Variants in TAFA1 observed in about 807,000 individuals in gnomAD.
TAFA1 encodes the protein chemokine-like protein TAFA-1.
A neutral mutation model predicts 18.5 loss-of-function variants in TAFA1; 4 were observed. The ratio of observed to expected loss-of-function variants is 0.22; its 90% CI spans 0.11 to 0.49. The LOEUF (loss-of-function observed/expected upper bound fraction) is 0.49, where lower values mean the gene tolerates loss of function less well. Ranked by LOEUF, TAFA1 falls within the 20% of genes least tolerant of loss-of-function variation. The pLI is 0.98. For synonymous variants in TAFA1, 56 were observed against 55.2 expected (o/e 1.01, Z -0.06); for missense variants, 147 against 169.0 (o/e 0.87, Z 0.72).
At chr3:68,031,678 T>C in intron 2 of TAFA1, among the ~76,000 whole-genome samples, 1 of 152,142 alleles carries the variant, frequency 6.6e-6, no homozygotes, top group African/African-American at 2.4e-5. Flanking sequence ...TTAAAAAGGA[T>C]GATTAATACA....
intron 2 of TAFA1, among the ~76,000 whole-genome samples, chr3:68,319,925 G>T (rs775005969): frequency 1.3e-5 from 2 of 152,086 alleles, no homozygotes; most frequent in Non-Finnish European, 2.9e-5. Flanking sequence ...ACACTAGAAT[G>T]CTTGATAGCT....
intron 2 of TAFA1, among the ~76,000 whole-genome samples, chr3:68,063,674 C>T (rs931915867): frequency 2.6e-5 from 4 of 152,138 alleles, no homozygotes; most frequent in Admixed American, 2.6e-4. Flanking sequence ...AAATTACAGT[C>T]ATTATTCAGA....
intron 2 of TAFA1, among the ~76,000 whole-genome samples, chr3:68,131,881 A>T (rs74470223): frequency 2.3e-5 from 3 of 127,684 alleles, no homozygotes; most frequent in Non-Finnish European, 5.1e-5. Flanking sequence ...CCTATTTTTT[A>T]ACCTTTTTTT....
chr3:68,323,954 G>A (rs2068734220), intron 2 of TAFA1, among the ~76,000 whole-genome samples: 1 of 152,142 alleles, frequency 6.6e-6, no homozygotes, highest in Admixed American at 6.5e-5. Context: ...ATGTCTCCAA[G>A]ACTCCAGGAA....
chr3:68,210,841 G>A (rs1183318384), intron 2 of TAFA1, among the ~76,000 whole-genome samples: 1 of 152,000 alleles, frequency 6.6e-6, no homozygotes, highest in Admixed American at 6.6e-5. Flanking sequence ...ACAGTTTCCA[G>A]TACTGGCTTT....
chr3:68,456,675 T>C (rs1004693813), intron 3 of TAFA1, among the ~76,000 whole-genome samples: 1 of 152,182 alleles, frequency 6.6e-6, no homozygotes, highest in African/African-American at 2.4e-5. Context: ...TATAGCAATC[T>C]TGCACCCATA....
intron 2 of TAFA1, among the ~76,000 whole-genome samples, chr3:68,290,557 C>T (rs1328365881): frequency 2.0e-5 from 3 of 152,144 alleles, no homozygotes; most frequent in Admixed American, 6.5e-5. Context: ...AACCACATCC[C>T]ATTCAGACCA....
At chr3:68,474,307 G>A (rs541592530) in intron 3 of TAFA1, among the ~76,000 whole-genome samples, 3 of 152,104 alleles carry the variant, frequency 2.0e-5, no homozygotes, top group South Asian at 4.2e-4. Context: ...TCTCTAAAGG[G>A]GCTAGAAACA....
rs1396997631 is a variant in TAFA1 at position 68,412,790 on chromosome 3, G to A, written c.119-4490G>A. ...CCAGTCTATCATTGGTGGACATTTG[G>A]CTTGGTTCCAAGTCTTTGTTATTGT... On this transcript the variant is annotated intron_variant, in intron 2 of 4. Coordinates refer to ENST00000478136, the MANE Select transcript of TAFA1 (RefSeq NM_213609.4). 3.3e-5 allele frequency among the ~76,000 whole-genome samples: 5 copies of A among 152,292 alleles called. No homozygotes were observed. The South Asian group carries it at 1.0e-3, about 32-fold the overall frequency.
intron 3 of TAFA1, among the ~76,000 whole-genome samples, chr3:68,531,067 G>A (rs1256595946): frequency 6.9e-6 from 1 of 144,470 alleles, no homozygotes; most frequent in East Asian, 2.0e-4. Flanking sequence ...GGATTTGGTG[G>A]GGAAGCAAGC....
intron 2 of TAFA1, among the ~76,000 whole-genome samples, chr3:68,107,756 T>G (rs1031882695): frequency 6.6e-6 from 1 of 152,162 alleles, no homozygotes; most frequent in Non-Finnish European, 1.5e-5. Flanking sequence ...TTTAATATGA[T>G]TTCTGATACT....
intron 2 of TAFA1, among the ~76,000 whole-genome samples, chr3:68,365,830 G>A (rs2069557466): frequency 6.6e-6 from 1 of 152,140 alleles, no homozygotes; most frequent in Non-Finnish European, 1.5e-5. Context: ...GCTCATGCCT[G>A]TACTCCCAGC....
chr3:68,471,598 G>A (rs1039205969), intron 3 of TAFA1, among the ~76,000 whole-genome samples: 1 of 152,200 alleles, frequency 6.6e-6, no homozygotes, highest in Non-Finnish European at 1.5e-5. Flanking sequence ...ATGGAGGCCA[G>A]AAGACTTAGC....
At chr3:68,480,779 C>A (rs1178330835) in intron 3 of TAFA1, among the ~76,000 whole-genome samples, 1 of 152,156 alleles carries the variant, frequency 6.6e-6, no homozygotes, top group Non-Finnish European at 1.5e-5. Flanking sequence ...TATGGTTTGG[C>A]TGTGTCCCCA....
chr3:68,284,794 A>G (rs1036436172), intron 2 of TAFA1, among the ~76,000 whole-genome samples: 2 of 152,148 alleles, frequency 1.3e-5, no homozygotes, highest in Non-Finnish European at 2.9e-5. Flanking sequence ...TTAAATTAGC[A>G]TATGTCTCTA....
At chr3:68,538,398 A>G (rs1401083325) in intron 3 of TAFA1, among the ~76,000 whole-genome samples, 2 of 152,178 alleles carry the variant, frequency 1.3e-5, no homozygotes, top group African/African-American at 4.8e-5. Context: ...AGTTTAAACT[A>G]AATTCCTCCC....
At chr3:68,391,747 A>G (rs2070253781) in intron 2 of TAFA1, among the ~76,000 whole-genome samples, 1 of 152,192 alleles carries the variant, frequency 6.6e-6, no homozygotes, top group Admixed American at 6.6e-5. Flanking sequence ...AGAATTTCAT[A>G]TCCAGCCAAA....
chr3:68,069,166 G>T (rs2064720986), intron 2 of TAFA1, among the ~76,000 whole-genome samples: 1 of 152,168 alleles, frequency 6.6e-6, no homozygotes, highest in Admixed American at 6.5e-5. Context: ...TGGTGTATTA[G>T]TCCATTTTCA....
intron 2 of TAFA1, among the ~76,000 whole-genome samples, chr3:68,299,145 C>G (rs76068643): frequency 8.5e-4 from 130 of 152,190 alleles, no homozygotes; most frequent in African/African-American, 3.1e-3. Context: ...GAGCAAAGTT[C>G]CACATGTCCA....
Sources: gnomAD v4.1 joint callset for allele counts (sites outside exome capture counted in the v4.1 genomes callset) on GRCh38, gnomAD v4.1.1 for gene constraint, MANE v1.5 for transcripts, NCBI Gene and HGNC (gene_info 2026-07-23, HGNC 2026-07-21) for gene names.